NCOA1: variants seen among roughly 807,000 people sequenced by gnomAD.
NCOA1 encodes nuclear receptor coactivator 1, also known as Hin-2 protein.
A neutral mutation model predicts 150.9 loss-of-function variants in NCOA1; 35 were observed. The observed-to-expected ratio is 0.23, with a 90% CI of 0.18 to 0.31. NCOA1 has a LOEUF of 0.31. Ranked by LOEUF, NCOA1 falls within the 10% of genes least tolerant of loss-of-function variation. The probability of loss-of-function intolerance (pLI) is 1.00; values close to 1 mark genes in which losing one functional copy is unlikely to be tolerated. For synonymous variants in NCOA1, 590 were observed against 630.0 expected, an observed-to-expected ratio of 0.94 and a Z score of 0.95; for missense variants, 1,491 against 1,749.3, an observed-to-expected ratio of 0.85 and a Z score of 2.63.
In NCOA1 at chr2:24,665,849, C is replaced by A; in HGVS notation, c.190C>A (p.Pro64Thr). 1 of 1,602,474 alleles carries A rather than the reference C, an allele frequency of 6.2e-7. No homozygotes were observed. Among genetic ancestry groups the A allele is most frequent in the Non-Finnish European group, 8.5e-7 (1 of 1,174,058 alleles). The change falls in exon 6 of 23, where the codon CCA (proline) becomes ACA (threonine). Residue 64 changes from proline to threonine, a missense_variant. Physicochemically the swap from Pro to Thr is conservative, Grantham distance 38. This residue lies in a region of NCOA1 where 80 missense variants were observed against 163.0 expected (regional missense o/e 0.49). Transcript: ENST00000348332. Reference sequence around the variant, plus strand: ...TGACATTGACAGCTTGAGTGTAAAACCAGACAAATGCAAGATTTTGAAGAA... The same window carrying A: ...TGACATTGACAGCTTGAGTGTAAAAACAGACAAATGCAAGATTTTGAAGAA... ...ISDIDSLSVK[P>T]DKCKILKKTV...
chr2:24,751,242 A>G lies in NCOA1; in HGVS notation c.3707-740A>G, dbSNP rs188112855. ...CGGCCTCCCAAAGTGCTGGGATTAC[A>G]GGCGTGAGCCACAGCACCCGGCCAC... is the stretch of plus-strand genomic sequence containing the variant. On this transcript the variant is annotated intron_variant, in intron 19 of 22. Coordinates refer to ENST00000348332, the MANE Select transcript of NCOA1 (RefSeq NM_003743.5). Among the ~76,000 whole-genome samples the G allele has an allele frequency of 2.3e-3, 348 of 150,700 alleles. 19 individuals carry two copies. The East Asian group carries it at 0.063, about 27-fold the overall frequency.
chr2:24,639,950 A>T (rs75753456), intron 3 of NCOA1, among the ~76,000 whole-genome samples: 1 of 117,200 alleles, frequency 8.5e-6, no homozygotes, highest in Admixed American at 8.5e-5. Context: ...ATATATATAT[A>T]TATATATATA....
chr2:24,706,903 G>T lies in NCOA1; in HGVS notation c.1433G>T (p.Gly478Val). The T allele has an allele frequency of 1.9e-6, 3 of 1,614,138 alleles. No individual in the cohort carries two copies. The highest frequency in any genetic ancestry group is 2.2e-5 in the South Asian group (2 of 91,070). ...AACCTCAATAATTCTCCTATGGAAG[G>T]TACAGGAATATCCCTAGCACAGTTC... ...SLNLNNSPMEGTGISLAQFMS... is the reference protein window; with the variant it reads ...SLNLNNSPMEVTGISLAQFMS... The change falls in exon 13 of 23, where the codon GGT becomes GTT. Residue 478 changes from glycine to valine, a missense_variant. Gly to Val is a moderately radical substitution (Grantham distance 109). Transcript: ENST00000348332.
At position 24,639,912 on chromosome 2, in the gene NCOA1, GTGTGTATATA is replaced by G. The variant is rs1432342310; in HGVS notation, c.-174-4052_-174-4043del. Among the ~76,000 whole-genome samples the G allele has an allele frequency of 6.2e-3, 591 of 95,918 alleles. 53 individuals are homozygous for G. The highest frequency in any genetic ancestry group is 0.011 in the African/African-American group (224 of 19,956). 62.9% of individuals were successfully genotyped at this position (95,918 alleles called of 152,430 possible). ...CAAAAAAAAAAAAAAAAGTATGTGT[GTGTGTATATA>G]TATATATATATATATATATATATAT... is the stretch of plus-strand genomic sequence containing the variant. On this transcript the variant is annotated intron_variant, in intron 3 of 22. Transcript: ENST00000348332.
intron 2 of NCOA1, among the ~76,000 whole-genome samples, chr2:24,573,399 A>G (rs1188031900): frequency 1.3e-5 from 2 of 152,052 alleles, no homozygotes; most frequent in Admixed American, 6.5e-5. Flanking sequence ...TTATTAAGAA[A>G]CACTCTTTGG....
intron 5 of NCOA1, among the ~76,000 whole-genome samples, chr2:24,662,592 G>T (rs1671232273): frequency 6.6e-6 from 1 of 152,114 alleles, no homozygotes; most frequent in African/African-American, 2.4e-5. Flanking sequence ...CATTTACTGA[G>T]CTAAAAGTAT....
intron 1 of NCOA1, among the ~76,000 whole-genome samples, chr2:24,505,030 C>T (rs1663629636): frequency 6.6e-6 from 1 of 151,976 alleles, no homozygotes; most frequent in South Asian, 2.1e-4. Context: ...AAATAGTTGG[C>T]CAACTATTGG....
intron 1 of NCOA1, among the ~76,000 whole-genome samples, chr2:24,542,816 A>C (rs1665454193): frequency 6.6e-6 from 1 of 152,260 alleles, no homozygotes; most frequent in South Asian, 2.1e-4. Flanking sequence ...TATATCCAAG[A>C]GAATACTCTT....
At chr2:24,742,454 C>CT (rs370770749) in intron 19 of NCOA1, among the ~76,000 whole-genome samples, 35 of 148,500 alleles carry the variant, frequency 2.4e-4, no homozygotes, top group African/African-American at 5.9e-4. Context: ...TACGTTCCCC[C>CT]TTTTTTTTTT....
At chr2:24,645,204 A>C (rs1670411769) in intron 4 of NCOA1, among the ~76,000 whole-genome samples, 1 of 152,032 alleles carries the variant, frequency 6.6e-6, no homozygotes, top group Non-Finnish European at 1.5e-5. Context: ...AAATTGCATC[A>C]GTTTTGGCCA....
intron 17 of NCOA1, among the ~76,000 whole-genome samples, 197 bp from the exon 18 acceptor site, chr2:24,739,235 A>G (rs184643512): frequency 2.2e-3 from 334 of 152,164 alleles, no homozygotes; most frequent in African/African-American, 7.8e-3. Context: ...ATACTTTGCC[A>G]TAGTGTTTTG....
chr2:24,657,546 A>G (rs139070365), intron 4 of NCOA1, among the ~76,000 whole-genome samples: 143 of 152,350 alleles, frequency 9.4e-4, no homozygotes, highest in Non-Finnish European at 9.7e-4. Context: ...TAATAAGTTC[A>G]TGATTAAAAT....
rs744077 is a variant in NCOA1 at position 24,711,945 on chromosome 2, A to G, written c.2599+834A>G. ...GTTCTATCCCTTTTCTGATGGTATCATATGTGGGACTTCAGTTATTTCAGT... is the reference window on the plus strand; with the variant it reads ...GTTCTATCCCTTTTCTGATGGTATCGTATGTGGGACTTCAGTTATTTCAGT... On this transcript the variant is annotated intron_variant, in intron 14 of 22. Coordinates refer to ENST00000348332, the MANE Select transcript of NCOA1 (RefSeq NM_003743.5). Among the ~76,000 whole-genome samples the G allele has an allele frequency of 1.3e-4, 20 of 152,354 alleles. No individual in the cohort carries two copies. In the South Asian group the frequency reaches 3.7e-3, roughly 28 times the overall value.
At chr2:24,565,925 A>G (rs187166857) in intron 2 of NCOA1, among the ~76,000 whole-genome samples, 12 of 152,274 alleles carry the variant, frequency 7.9e-5, no homozygotes, top group Non-Finnish European at 1.5e-4. Context: ...TGGAGATGCC[A>G]GGAACTGCAG....
chr2:24,742,407 G>A (rs1292916010), intron 19 of NCOA1, among the ~76,000 whole-genome samples: 1 of 151,940 alleles, frequency 6.6e-6, no homozygotes, highest in Non-Finnish European at 1.5e-5. Flanking sequence ...TGAATTAGAG[G>A]ATCTGTAAGG....
At chr2:24,562,825 A>T (rs1002088369) in intron 1 of NCOA1, among the ~76,000 whole-genome samples, 1 of 152,194 alleles carries the variant, frequency 6.6e-6, no homozygotes, top group African/African-American at 2.4e-5. Flanking sequence ...AGCGACTAGA[A>T]TGGAGAAAGA....
intron 14 of NCOA1, among the ~76,000 whole-genome samples, chr2:24,724,128 C>T (rs944939772): frequency 6.7e-6 from 1 of 150,122 alleles, no homozygotes. Flanking sequence ...GGTTCAGTGT[C>T]CCTTTTAGCT....
At chr2:24,602,476 C>A (rs995048236) in intron 3 of NCOA1, among the ~76,000 whole-genome samples, 1 of 152,166 alleles carries the variant, frequency 6.6e-6, no homozygotes, top group African/African-American at 2.4e-5. Context: ...GCTGGGATTA[C>A]GGGCATGTGC....
intron 17 of NCOA1, among the ~76,000 whole-genome samples, chr2:24,734,787 G>C (rs1315281046): frequency 1.3e-5 from 2 of 150,306 alleles, no homozygotes; most frequent in Non-Finnish European, 3.0e-5. Context: ...CTGGGTGGCA[G>C]AGCAAGACCT....
Sources: allele counts gnomAD v4.1 joint callset (sites outside exome capture counted in the v4.1 genomes callset), GRCh38; gene constraint gnomAD v4.1.1; regional missense constraint gnomAD v4.1.1; transcripts MANE v1.5; gene names NCBI Gene and HGNC (gene_info 2026-07-23, HGNC 2026-07-21).